Variants in RNF115 observed in about 807,000 individuals in gnomAD.
The protein encoded by RNF115 is ring finger protein 115, also known as E3 ubiquitin-protein ligase RNF115.
In RNF115, 31 loss-of-function variants were observed where a neutral mutation model predicts 39.2. The observed-to-expected ratio is 0.79, with a 90% CI of 0.59 to 1.07. RNF115 has a LOEUF of 1.07. RNF115 is among the 50% of genes least tolerant of loss of function. RNF115 has a pLI of 0.00. For missense variants in RNF115, 384 were observed against 381.7 expected (o/e 1.01, Z -0.05); for synonymous variants, 124 against 131.0 (o/e 0.95, Z 0.37).
rs1312542136 is a variant in RNF115, at chr1:145,811,932, T to TACAC, written c.102+11836_102+11839dup. Among the ~76,000 whole-genome samples the TACAC allele has an allele frequency of 3.5e-3, 261 of 74,606 alleles. 2 individuals carry two copies. The highest frequency in any genetic ancestry group is 0.011 in the African/African-American group (228 of 21,694). 48.9% of individuals were successfully genotyped at this position (74,606 alleles called of 152,430 possible). On this transcript the variant is annotated intron_variant, in intron 1 of 8. Transcript: ENST00000582693. ...AAATATATATATATATATATATATA[T>TACAC]ACACACACACACATATATGTAGAAA...
At chr1:145,816,710 G>C (rs1650008455) in intron 1 of RNF115, among the ~76,000 whole-genome samples, 1 of 147,748 alleles carries the variant, frequency 6.8e-6, no homozygotes, top group Non-Finnish European at 1.5e-5. Flanking sequence ...AGCACTCATA[G>C]ATGATGGGTT....
intron 4 of RNF115, among the ~76,000 whole-genome samples, chr1:145,758,903 A>G (rs1408226660): frequency 2.0e-5 from 3 of 152,248 alleles, no homozygotes; most frequent in Admixed American, 2.0e-4. Context: ...TTATTAAAAA[A>G]AAATCTTTTC....
intron 4 of RNF115, among the ~76,000 whole-genome samples, chr1:145,766,990 G>A (rs1571727707): frequency 2.2e-5 from 3 of 137,102 alleles, no homozygotes; most frequent in South Asian, 2.3e-4. Flanking sequence ...CCGGGCAGAG[G>A]GGCTCCTCAC....
At position 145,811,059 on chromosome 1, in the gene RNF115, AG is replaced by A. The variant is rs781790339; in HGVS notation, c.102+12712del. The stretch of plus-strand genomic sequence containing the variant: ...TTTTAAAAAAATTTTTTGTAGAGAC[AG>A]GGTTTTACCATGTTGCCCAGGCTGG... On this transcript the variant is annotated intron_variant, in intron 1 of 8. Coordinates refer to ENST00000582693, the MANE Select transcript of RNF115 (RefSeq NM_014455.4). Among the ~76,000 whole-genome samples, 28 of 148,964 alleles carry A rather than the reference AG, an allele frequency of 1.9e-4. No homozygotes were observed. In the South Asian group the frequency reaches 5.8e-3, roughly 31 times the overall value.
At chr1:145,762,993 G>A (rs782361972) in intron 4 of RNF115, among the ~76,000 whole-genome samples, 21 of 152,044 alleles carry the variant, frequency 1.4e-4, no homozygotes, top group Non-Finnish European at 2.5e-4. Context: ...AATAAACACT[G>A]GAGATCACAA....
chr1:145,750,882 C>T (rs1181679565), intron 6 of RNF115, among the ~76,000 whole-genome samples: 6 of 152,188 alleles, frequency 3.9e-5, no homozygotes. Flanking sequence ...TGAAAAGTAG[C>T]ATAACGTGAG....
At chr1:145,804,353 G>C (rs1365100001) in intron 1 of RNF115, among the ~76,000 whole-genome samples, 15 of 152,122 alleles carry the variant, frequency 9.9e-5, no homozygotes, top group Admixed American at 9.8e-4. Flanking sequence ...ACTTAGCCTC[G>C]AAATGAGAAC....
chr1:145,804,499 G>GCACA (rs35848173), intron 1 of RNF115, among the ~76,000 whole-genome samples: 35 of 148,538 alleles, frequency 2.4e-4, no homozygotes, highest in South Asian at 8.6e-4. Context: ...ATGCATGCAT[G>GCACA]CACACACACA....
intron 1 of RNF115, among the ~76,000 whole-genome samples, chr1:145,793,589 ATTACTC>A (rs1241009040): frequency 6.6e-6 from 1 of 150,780 alleles, no homozygotes; most frequent in Admixed American, 6.6e-5. Context: ...TCCAGACTCA[ATTACTC>A]TTATATGTAT....
chr1:145,759,061 T>C (rs587594275), intron 4 of RNF115, among the ~76,000 whole-genome samples: 1 of 152,294 alleles, frequency 6.6e-6, no homozygotes, highest in South Asian at 2.1e-4. Context: ...CTTCACATAG[T>C]TTCCAGAGCT....
Position 145,750,488 on chromosome 1 carries a change from G to A in RNF115, c.586C>T (p.Leu196=), listed in dbSNP as rs782754932. The change falls in exon 7 of 9, where the codon CTG becomes TTG. Residue 196 remains leucine, a synonymous_variant. Coordinates refer to ENST00000582693, the MANE Select transcript of RNF115 (RefSeq NM_014455.4). ...GCTGGGGGAGGGCCTGTGTTTTCCA[G>A]TTGTCCTAAAAGCTACAAAAAAAGA... is the stretch of plus-strand genomic sequence containing the variant. ...DAIVTQLLGQ[L]ENTGPPPADK... 14 of 1,613,646 alleles carry A rather than the reference G, an allele frequency of 8.7e-6. No individual in the cohort carries two copies. The Admixed American group carries it at 1.8e-4, about 21-fold the overall frequency.
rs1413570569 is a variant in RNF115 at position 145,741,907 on chromosome 1, G to C, written c.*4959C>G. The C allele has an allele frequency of 6.6e-6, 1 of 152,116 alleles. No individual in the cohort carries two copies. The highest frequency in any genetic ancestry group is 1.5e-5 in the Non-Finnish European group (1 of 68,074). The allele number at this position is 152,116 out of a possible 1,614,324, so 9.4% of individuals were successfully genotyped here. A position where few individuals can be genotyped will look rare whatever the true frequency, so the allele number is the denominator to read the frequency against. On this transcript the variant is annotated 3_prime_UTR_variant, in exon 9 of 9. Coordinates refer to ENST00000582693, the MANE Select transcript of RNF115 (RefSeq NM_014455.4). The stretch of plus-strand genomic sequence containing the variant: ...GGTGATCACTTGACATCAGGAGTTC[G>C]AGACCAGCCTGGGCAACATGGCAAA...
At chr1:145,803,321 G>A (rs1352682230) in intron 1 of RNF115, among the ~76,000 whole-genome samples, 1 of 152,114 alleles carries the variant, frequency 6.6e-6, no homozygotes, top group Non-Finnish European at 1.5e-5. Flanking sequence ...TTCAGTTCCA[G>A]GCCAATAAAA....
chr1:145,772,110 G>C (rs1200988296), intron 3 of RNF115, 191 bp from the exon 4 acceptor site: 2 of 525,818 alleles, frequency 3.8e-6, no homozygotes, highest in Admixed American at 3.7e-5. Context: ...AACTTTACTG[G>C]GTAATGACAA....
intron 4 of RNF115, among the ~76,000 whole-genome samples, chr1:145,761,943 G>A (rs1658550949): frequency 6.6e-6 from 1 of 152,222 alleles, no homozygotes; most frequent in Non-Finnish European, 1.5e-5. Flanking sequence ...GCATCAGCAT[G>A]ACCTGGATGT....
chr1:145,808,455 T>C (rs587679186), intron 1 of RNF115, among the ~76,000 whole-genome samples: 1 of 152,314 alleles, frequency 6.6e-6, no homozygotes, highest in African/African-American at 2.4e-5. Flanking sequence ...TTAAGCACTG[T>C]TTCATATACC....
At chr1:145,781,894 C>CT (rs1439136395) in intron 3 of RNF115, among the ~76,000 whole-genome samples, 20 of 148,588 alleles carry the variant, frequency 1.3e-4, no homozygotes, top group Admixed American at 9.4e-4. Flanking sequence ...ACTCTGTACA[C>CT]TTTTCCTTTT....
At chr1:145,814,668 T>A (rs1188522491) in intron 1 of RNF115, among the ~76,000 whole-genome samples, 3 of 152,046 alleles carry the variant, frequency 2.0e-5, no homozygotes, top group Non-Finnish European at 2.9e-5. Flanking sequence ...ATACAAAAAA[T>A]TTCTTCTGCA....
rs782373029 is a variant in RNF115, at chr1:145,750,512, G to A, written c.574-12C>T. Reference sequence around the variant, plus strand: ...AGTTGTCCTAAAAGCTACAAAAAAAGAGAAAGAAAAAGACGAAGTGGCAGA... The same window carrying A: ...AGTTGTCCTAAAAGCTACAAAAAAAAAGAAAGAAAAAGACGAAGTGGCAGA... On this transcript the variant is annotated splice_polypyrimidine_tract_variant and intron_variant, in intron 6 of 8. Coordinates refer to ENST00000582693, the MANE Select transcript of RNF115 (RefSeq NM_014455.4). 8.1e-6 allele frequency: 13 copies of A among 1,609,582 alleles called. No homozygotes were observed. The highest frequency in any genetic ancestry group is 1.0e-5 in the Non-Finnish European group (12 of 1,176,118).
Sources: allele counts gnomAD v4.1 joint callset (sites outside exome capture counted in the v4.1 genomes callset), GRCh38; gene constraint gnomAD v4.1.1; transcripts MANE v1.5; gene names NCBI Gene and HGNC (gene_info 2026-07-23, HGNC 2026-07-21).